The following SAMD5 variants were observed in gnomAD, a reference collection of about 807,000 sequenced individuals.
SAMD5 encodes the protein sterile alpha motif domain-containing protein 5.
SAMD5 carries 13 observed loss-of-function variants against 11.3 expected under a neutral mutation model. The ratio of observed to expected loss-of-function variants is 1.15; its 90% CI spans 0.75 to 1.83. SAMD5 has a LOEUF of 1.83. Among genes scored for constraint, SAMD5 ranks in the 40% most tolerant of loss-of-function variants. The pLI is 0.00. For missense variants in SAMD5, 255 were observed against 239.1 expected (o/e 1.07, Z -0.44); for synonymous variants, 129 against 111.3 (o/e 1.16, Z -1.00).
chr6:147,536,204 C>G (rs1468159213), intron 1 of SAMD5, among the ~76,000 whole-genome samples: 2 of 152,060 alleles, frequency 1.3e-5, no homozygotes, highest in African/African-American at 4.8e-5. Context: ...AGGATGGTCT[C>G]AATCTCCTGA....
the SAMD5 span, among the ~76,000 whole-genome samples, chr6:147,786,308 C>T: frequency 4.6e-5 from 7 of 152,290 alleles, no homozygotes; most frequent in African/African-American, 1.7e-4. Flanking sequence ...CCATAATAAT[C>T]TATTATCCTT....
intron 1 of SAMD5, among the ~76,000 whole-genome samples, chr6:147,696,938 C>G (rs575279413): frequency 1.6e-4 from 25 of 152,250 alleles, no homozygotes; most frequent in African/African-American, 5.8e-4. Context: ...AGCAAATAGC[C>G]TGTGAGCTAC....
chr6:147,838,914 G>A, the SAMD5 span, among the ~76,000 whole-genome samples: 23 of 152,292 alleles, frequency 1.5e-4, no homozygotes, highest in African/African-American at 5.1e-4. Context: ...AACAAGTCAG[G>A]GCAACAACTG....
the SAMD5 span, among the ~76,000 whole-genome samples, chr6:147,758,020 A>G: frequency 6.6e-6 from 1 of 152,290 alleles, no homozygotes; most frequent in East Asian, 1.9e-4. Context: ...GTTTAGGAAA[A>G]GTTGTATGCA....
the SAMD5 span, among the ~76,000 whole-genome samples, chr6:147,744,411 A>C: frequency 3.9e-5 from 6 of 152,386 alleles, no homozygotes; most frequent in South Asian, 1.2e-3. Flanking sequence ...AAAGTGTAAC[A>C]AATGTTAAGC....
At chr6:147,533,318 C>T (rs372681606) in intron 1 of SAMD5, among the ~76,000 whole-genome samples, 8 of 151,668 alleles carry the variant, frequency 5.3e-5, no homozygotes, top group African/African-American at 7.3e-5. Flanking sequence ...AAACCAAGGC[C>T]GGGCGCAGTG....
chr6:147,811,409 A>C, the SAMD5 span, among the ~76,000 whole-genome samples: 267 of 152,352 alleles, frequency 1.8e-3, no homozygotes, highest in African/African-American at 6.0e-3. Flanking sequence ...CTGAGGTCAC[A>C]TCATTACATT....
chr6:147,528,216 T>C (rs1284363945), intron 1 of SAMD5, among the ~76,000 whole-genome samples: 1 of 152,210 alleles, frequency 6.6e-6, no homozygotes, highest in Non-Finnish European at 1.5e-5. Context: ...GGGTTAAGCA[T>C]GGATTTAACT....
the SAMD5 span, among the ~76,000 whole-genome samples, chr6:147,794,256 G>A: frequency 6.6e-6 from 1 of 152,156 alleles, no homozygotes; most frequent in Non-Finnish European, 1.5e-5. Context: ...TGTTGGGAGA[G>A]TTAAATTGGT....
At chr6:147,531,010 T>C (rs1202428892) in intron 1 of SAMD5, among the ~76,000 whole-genome samples, 1 of 152,262 alleles carries the variant, frequency 6.6e-6, no homozygotes, top group Non-Finnish European at 1.5e-5. Flanking sequence ...CACTAAATAG[T>C]GTTCTGTTTA....
intron 1 of SAMD5, among the ~76,000 whole-genome samples, chr6:147,719,850 T>A (rs911375852): frequency 1.3e-5 from 2 of 152,204 alleles, no homozygotes; most frequent in Non-Finnish European, 2.9e-5. Flanking sequence ...TAACTATGTT[T>A]AATTACCAAA....
At chr6:147,836,331 A>G in the SAMD5 span, among the ~76,000 whole-genome samples, 9 of 152,210 alleles carry the variant, frequency 5.9e-5, no homozygotes, top group Non-Finnish European at 1.2e-4. Context: ...AGTCCTTTGT[A>G]CTTACATTAA....
chr6:147,634,625 G>A (rs940170185), intron 1 of SAMD5, among the ~76,000 whole-genome samples: 4 of 152,156 alleles, frequency 2.6e-5, no homozygotes, highest in Non-Finnish European at 5.9e-5. Flanking sequence ...TCGTTTTCTT[G>A]AAGCATTGAA....
chr6:147,799,052 C>A, the SAMD5 span, among the ~76,000 whole-genome samples: 3 of 151,950 alleles, frequency 2.0e-5, no homozygotes, highest in African/African-American at 4.8e-5. Flanking sequence ...TTAATTGGAG[C>A]ATTTAGTCCA....
chr6:147,702,158 G>T (rs1171249334), intron 1 of SAMD5, among the ~76,000 whole-genome samples: 1 of 152,218 alleles, frequency 6.6e-6, no homozygotes, highest in African/African-American at 2.4e-5. Context: ...AAGAGAGAAA[G>T]CATGTGTGGG....
chr6:147,734,629 C>T (rs58932271), intron 1 of SAMD5, among the ~76,000 whole-genome samples: 152 of 137,828 alleles, frequency 1.1e-3, no homozygotes, highest in African/African-American at 3.9e-3. Flanking sequence ...AGGAGAATGG[C>T]GTGAACCCGG....
the SAMD5 span, among the ~76,000 whole-genome samples, chr6:147,810,782 C>A: frequency 2.6e-5 from 4 of 152,084 alleles, no homozygotes; most frequent in African/African-American, 7.2e-5. Flanking sequence ...ATTATTGTCC[C>A]CATTTTACAG....
intron 1 of SAMD5, among the ~76,000 whole-genome samples, chr6:147,654,053 C>A (rs897436179): frequency 2.0e-5 from 3 of 152,162 alleles, no homozygotes; most frequent in African/African-American, 7.2e-5. Context: ...CTATAATGAG[C>A]CTTTTTGTCT....
the SAMD5 span, among the ~76,000 whole-genome samples, chr6:147,794,373 T>C: frequency 6.6e-5 from 10 of 152,162 alleles, no homozygotes; most frequent in Non-Finnish European, 1.5e-5. Flanking sequence ...ATGCAGGATA[T>C]AAACTCACAT....
Sources: allele counts gnomAD v4.1 joint callset (sites outside exome capture counted in the v4.1 genomes callset), GRCh38; gene constraint gnomAD v4.1.1; transcripts MANE v1.5; gene names NCBI Gene and HGNC (gene_info 2026-07-23, HGNC 2026-07-21).